The following SEMA3A variants were observed in gnomAD, a reference collection of about 807,000 sequenced individuals.
SEMA3A encodes semaphorin-3A.
In SEMA3A, 29 loss-of-function variants were observed where a neutral mutation model predicts 97.9. The ratio of observed to expected loss-of-function variants is 0.30; its 90% CI spans 0.22 to 0.40. SEMA3A has a LOEUF of 0.40. Ranked by LOEUF, SEMA3A falls within the 10% of genes least tolerant of loss-of-function variation. SEMA3A has a pLI of 1.00. For synonymous variants in SEMA3A, 321 were observed against 323.7 expected, an observed-to-expected ratio of 0.99 and a Z score of 0.09; for missense variants, 763 against 951.3, an observed-to-expected ratio of 0.80 and a Z score of 2.60.
chr7:84,222,277 T>C (rs1235568935), intron 3 of SEMA3A, among the ~76,000 whole-genome samples: 1 of 151,974 alleles, frequency 6.6e-6, no homozygotes, highest in East Asian at 1.9e-4. Flanking sequence ...AAATTATAAA[T>C]ATCATGTCCT....
intron 1 of SEMA3A, among the ~76,000 whole-genome samples, chr7:84,178,015 T>C (rs1027161042): frequency 6.6e-6 from 1 of 152,132 alleles, no homozygotes; most frequent in Non-Finnish European, 1.5e-5. Flanking sequence ...ACACAACAAT[T>C]ACTATGTAAT....
intron 1 of SEMA3A, among the ~76,000 whole-genome samples, chr7:84,422,906 T>G (rs1453960648): frequency 6.6e-6 from 1 of 152,042 alleles, no homozygotes; most frequent in African/African-American, 2.4e-5. Flanking sequence ...AGTACCAGCA[T>G]GCAAACTCAG....
At chr7:83,965,617 C>A (rs1788640496) in intron 15 of SEMA3A, among the ~76,000 whole-genome samples, 2 of 102,998 alleles carry the variant, frequency 1.9e-5, no homozygotes, top group African/African-American at 7.2e-5. Context: ...CAATGTAACA[C>A]CAATGGGTGC....
At chr7:84,065,258 G>T (rs1478728154) in intron 4 of SEMA3A, among the ~76,000 whole-genome samples, 3 of 127,074 alleles carry the variant, frequency 2.4e-5, no homozygotes, top group South Asian at 6.4e-4. Context: ...TCTCTGGGAC[G>T]CATTCAAAGC....
chr7:84,351,934 A>G (rs1243717431), intron 2 of SEMA3A, among the ~76,000 whole-genome samples: 1 of 152,092 alleles, frequency 6.6e-6, no homozygotes, highest in East Asian at 1.9e-4. Context: ...TGTTTATTGC[A>G]GCACTATTCA....
At chr7:84,321,510 G>A (rs768381961) in intron 2 of SEMA3A, among the ~76,000 whole-genome samples, 9 of 152,080 alleles carry the variant, frequency 5.9e-5, no homozygotes, top group Non-Finnish European at 1.2e-4. Flanking sequence ...CAACTAACCA[G>A]TTATGTGACC....
At chr7:84,411,231 G>T (rs1209456669) in intron 1 of SEMA3A, among the ~76,000 whole-genome samples, 1 of 151,934 alleles carries the variant, frequency 6.6e-6, no homozygotes, top group Non-Finnish European at 1.5e-5. Context: ...GTCCACTTGG[G>T]ATTTTTTATA....
At chr7:84,156,325 G>A (rs1352593959) in intron 1 of SEMA3A, among the ~76,000 whole-genome samples, 1 of 152,114 alleles carries the variant, frequency 6.6e-6, no homozygotes, top group Non-Finnish European at 1.5e-5. Flanking sequence ...CTCCACTGGT[G>A]TACCTTATAT....
chr7:83,977,092 C>T, intron 15 of SEMA3A, 40 bp downstream of exon 15: 3 of 1,260,416 alleles, frequency 2.4e-6, no homozygotes, highest in East Asian at 2.5e-5. Flanking sequence ...ATGATTTTAG[C>T]CTGGTCTTAG....
intron 6 of SEMA3A, among the ~76,000 whole-genome samples, chr7:84,016,804 C>T (rs1273706333): frequency 7.2e-5 from 11 of 152,054 alleles, no homozygotes; most frequent in Non-Finnish European, 1.5e-5. Context: ...ATATTAACAT[C>T]GTTATGATGA....
intron 1 of SEMA3A, among the ~76,000 whole-genome samples, chr7:84,411,835 A>G (rs964395015): frequency 2.6e-5 from 4 of 152,014 alleles, no homozygotes; most frequent in Non-Finnish European, 5.9e-5. Context: ...ACCACCTGTA[A>G]ACTGTATCTT....
intron 1 of SEMA3A, among the ~76,000 whole-genome samples, chr7:84,139,991 T>C (rs914373828): frequency 1.3e-5 from 2 of 152,078 alleles, no homozygotes; most frequent in African/African-American, 4.8e-5. Context: ...TATTTACTTT[T>C]AAAAAGAAGC....
At chr7:84,029,871 T>C (rs1455076305) in intron 6 of SEMA3A, among the ~76,000 whole-genome samples, 3 of 151,890 alleles carry the variant, frequency 2.0e-5, no homozygotes, top group Admixed American at 1.3e-4. Context: ...ATATTGACTT[T>C]GATTACATTT....
At chr7:84,049,999 A>C (rs1265138578) in intron 5 of SEMA3A, among the ~76,000 whole-genome samples, 1 of 150,982 alleles carries the variant, frequency 6.6e-6, no homozygotes. Context: ...TTTACTGAGA[A>C]TGATGTTTTC....
chr7:84,394,041 G>A (rs1803660090), intron 1 of SEMA3A, among the ~76,000 whole-genome samples: 1 of 152,102 alleles, frequency 6.6e-6, no homozygotes, highest in Non-Finnish European at 1.5e-5. Flanking sequence ...CAAGAAAAGA[G>A]CTGGCTGGTG....
intron 2 of SEMA3A, among the ~76,000 whole-genome samples, chr7:84,370,382 T>A (rs2116098651): frequency 6.6e-6 from 1 of 151,812 alleles, no homozygotes; most frequent in Admixed American, 6.6e-5. Flanking sequence ...GCCAATACCT[T>A]ATATTTTAGC....
chr7:84,138,540 C>T (rs989874770), intron 1 of SEMA3A, among the ~76,000 whole-genome samples: 4 of 152,036 alleles, frequency 2.6e-5, no homozygotes, highest in South Asian at 2.1e-4. Flanking sequence ...AGACAACTTA[C>T]GGAAGTTTTT....
chr7:84,196,958 T>C (rs10258023), upstream of SEMA3A, among the ~76,000 whole-genome samples: 1,766 of 152,242 alleles, frequency 0.012, 30 homozygotes, highest in African/African-American at 0.041. Context: ...GTGTATCCAT[T>C]TCACCTGTGT....
chr7:83,957,619 A>C lies in SEMA3A; in HGVS notation c.*3752T>G, dbSNP rs929675279. The C allele has an allele frequency of 6.6e-6, 1 of 152,052 alleles. No homozygotes were observed. Among genetic ancestry groups the C allele is most frequent in the Non-Finnish European group, 1.5e-5 (1 of 67,968 alleles). 9.4% of individuals were successfully genotyped at this position (152,052 alleles called of 1,614,324 possible). ...TGATTTTATTCTCTCTTTCATTTAG[A>C]TATTTTCTTAATTTATTAACTTGAA... is the stretch of plus-strand genomic sequence containing the variant. On this transcript the variant is annotated 3_prime_UTR_variant, in exon 17 of 17. Coordinates refer to ENST00000265362, the MANE Select transcript of SEMA3A (RefSeq NM_006080.3).
Sources: allele counts gnomAD v4.1 joint callset (sites outside exome capture counted in the v4.1 genomes callset), GRCh38; gene constraint gnomAD v4.1.1; transcripts MANE v1.5; gene names NCBI Gene and HGNC (gene_info 2026-07-23, HGNC 2026-07-21).